The following RIN3 variants were observed in gnomAD, a reference collection of about 807,000 sequenced individuals.
RIN3 encodes RAB5 interacting protein 3.
Under a neutral mutation model 76.3 loss-of-function variants are expected in RIN3, and 54 were observed. The observed-to-expected ratio is 0.71, with a 90% confidence interval of 0.57 to 0.89. The LOEUF is 0.89. RIN3 is among the 40% of genes least tolerant of loss of function. The pLI is 0.00. For missense variants in RIN3, 1,256 were observed against 1,322.1 expected (o/e 0.95, Z 0.78); for synonymous variants, 576 against 564.0 (o/e 1.02, Z -0.30).
Position 92,667,652 on chromosome 14 carries a change from G to A in RIN3, c.2335+8183G>A, listed in dbSNP as rs117621468. Reference sequence around the variant, plus strand: ...CTACAGATAGGTAAATAGATAATTGGTTAAGGAAACATTTGCTGCTATAAA... The same window carrying A: ...CTACAGATAGGTAAATAGATAATTGATTAAGGAAACATTTGCTGCTATAAA... On this transcript the variant is annotated intron_variant, in intron 7 of 9. Coordinates refer to ENST00000216487, the MANE Select transcript of RIN3 (RefSeq NM_024832.5). 3.1e-3 allele frequency among the ~76,000 whole-genome samples: 471 copies of A among 152,256 alleles called. 3 individuals carry two copies. Among genetic ancestry groups the A allele is most frequent in the Non-Finnish European group, 3.0e-3 (207 of 68,016 alleles).
chr14:92,622,054 C>T (rs758465089), intron 4 of RIN3, among the ~76,000 whole-genome samples: 1 of 152,176 alleles, frequency 6.6e-6, no homozygotes. Flanking sequence ...GCTCCTTGCT[C>T]AGAACAGCAG....
chr14:92,614,457 T>C (rs1885870792), intron 3 of RIN3, among the ~76,000 whole-genome samples: 1 of 152,222 alleles, frequency 6.6e-6, no homozygotes. Flanking sequence ...ACTTCTGTGT[T>C]ATTTTGTCAA....
At chr14:92,657,374 GAA>G (rs56043062) in intron 6 of RIN3, among the ~76,000 whole-genome samples, 2 of 147,710 alleles carry the variant, frequency 1.4e-5, no homozygotes, top group Non-Finnish European at 3.0e-5. Flanking sequence ...AAACAAAAAA[GAA>G]AAAAAAAAGG....
chr14:92,682,586 A>T (rs2140176169), intron 8 of RIN3, among the ~76,000 whole-genome samples: 1 of 152,264 alleles, frequency 6.6e-6, no homozygotes, highest in South Asian at 2.1e-4. Flanking sequence ...TGCCCCCAGT[A>T]ATGCGTCTGG....
chr14:92,523,468 C>G (rs1276309565), intron 1 of RIN3, among the ~76,000 whole-genome samples: 1 of 152,024 alleles, frequency 6.6e-6, no homozygotes, highest in Non-Finnish European at 1.5e-5. Context: ...AAGCTTAGTT[C>G]TAATGAACAC....
intron 6 of RIN3, among the ~76,000 whole-genome samples, chr14:92,657,104 A>G: frequency 6.6e-6 from 1 of 152,194 alleles, no homozygotes; most frequent in East Asian, 1.9e-4. Context: ...CACACCTGTA[A>G]TCCCAGCACT....
chr14:92,645,368 G>A (rs578014385), intron 5 of RIN3, among the ~76,000 whole-genome samples: 29 of 152,246 alleles, frequency 1.9e-4, no homozygotes, highest in African/African-American at 6.3e-4. Flanking sequence ...GTAAAAGCCC[G>A]TTTTACAGAT....
At chr14:92,576,185 AC>A in intron 2 of RIN3, 1 of 1,228,114 alleles carries the variant, frequency 8.1e-7, no homozygotes, top group Non-Finnish European at 1.0e-6. Flanking sequence ...AGAAGGTGTC[AC>A]CTGCCAAGGA....
rs8022826 is a variant in RIN3 at position 92,595,721 on chromosome 14, G to C, written c.367+18244G>C. ...AACATCTCTGAGGCTGACCTCACCTGGCAAGAGACAGATACAAAATGCCTT... is the reference window on the plus strand; with the variant it reads ...AACATCTCTGAGGCTGACCTCACCTCGCAAGAGACAGATACAAAATGCCTT... On this transcript the variant is annotated intron_variant, in intron 3 of 9. Coordinates refer to ENST00000216487, the MANE Select transcript of RIN3 (RefSeq NM_024832.5). Among the ~76,000 whole-genome samples, 934 of 152,264 alleles carry C rather than the reference G, an allele frequency of 6.1e-3. 8 individuals carry two copies. The highest frequency in any genetic ancestry group is 0.022 in the African/African-American group (895 of 41,540).
chr14:92,559,888 A>G (rs1265283124), intron 2 of RIN3, among the ~76,000 whole-genome samples: 1 of 152,224 alleles, frequency 6.6e-6, no homozygotes, highest in South Asian at 2.1e-4. Flanking sequence ...ACCATGTTGC[A>G]TTCATCTACC....
intron 2 of RIN3, among the ~76,000 whole-genome samples, chr14:92,558,795 A>G (rs1897671416): frequency 6.6e-6 from 1 of 151,370 alleles, no homozygotes; most frequent in Non-Finnish European, 1.5e-5. Flanking sequence ...TTATTCACCA[A>G]CTCCTGATAG....
intron 7 of RIN3, among the ~76,000 whole-genome samples, chr14:92,669,796 C>T (rs1047579529): frequency 6.6e-6 from 1 of 152,196 alleles, no homozygotes; most frequent in Non-Finnish European, 1.5e-5. Context: ...GCATCTAGGG[C>T]TGCTTATGTT....
intron 1 of RIN3, among the ~76,000 whole-genome samples, chr14:92,543,166 G>C (rs1027530978): frequency 2.0e-5 from 3 of 152,158 alleles, no homozygotes; most frequent in Non-Finnish European, 4.4e-5. Context: ...CTGGGTTGCT[G>C]TGTGGAAGCC....
chr14:92,605,513 A>T (rs961745404), intron 3 of RIN3, among the ~76,000 whole-genome samples: 1 of 152,266 alleles, frequency 6.6e-6, no homozygotes, highest in Non-Finnish European at 1.5e-5. Context: ...TCATATCATG[A>T]TCTGTTCCTT....
chr14:92,555,062 G>A (rs1897540352), intron 1 of RIN3, among the ~76,000 whole-genome samples: 1 of 152,220 alleles, frequency 6.6e-6, no homozygotes, highest in Non-Finnish European at 1.5e-5. Context: ...CTTCTGGCTA[G>A]TGGCTACGGC....
chr14:92,609,506 A>G (rs1885646327), intron 3 of RIN3, among the ~76,000 whole-genome samples: 1 of 152,152 alleles, frequency 6.6e-6, no homozygotes, highest in Non-Finnish European at 1.5e-5. Flanking sequence ...TCAGCGTGAC[A>G]AGTCTCAGGA....
At chr14:92,617,161 G>A (rs985756799) in intron 4 of RIN3, among the ~76,000 whole-genome samples, 2 of 151,976 alleles carry the variant, frequency 1.3e-5, no homozygotes, top group African/African-American at 2.4e-5. Flanking sequence ...TTAGCTGGGC[G>A]TAGTGGCGGG....
chr14:92,607,895 G>T (rs1885585530), intron 3 of RIN3, among the ~76,000 whole-genome samples: 1 of 152,170 alleles, frequency 6.6e-6, no homozygotes, highest in African/African-American at 2.4e-5. Flanking sequence ...CCTCAAGGAA[G>T]TTACACTGAA....
At chr14:92,551,142 T>A (rs1489512979) in intron 1 of RIN3, among the ~76,000 whole-genome samples, 1 of 152,226 alleles carries the variant, frequency 6.6e-6, no homozygotes, top group African/African-American at 2.4e-5. Context: ...AAAATTTGCA[T>A]GTGGTAAAAG....
Sources: gnomAD v4.1 joint callset for allele counts (sites outside exome capture counted in the v4.1 genomes callset) on GRCh38, gnomAD v4.1.1 for gene constraint, MANE v1.5 for transcripts, NCBI Gene and HGNC (gene_info 2026-07-23, HGNC 2026-07-21) for gene names.